The following PAX5 variants were observed in gnomAD, a reference collection of about 807,000 sequenced individuals.
PAX5 encodes paired box 5, also known as paired box protein Pax-5.
In PAX5, 9 loss-of-function variants were observed where a neutral mutation model predicts 43.7. That is an observed-to-expected ratio of 0.21 (90% confidence interval 0.12 to 0.36). The LOEUF (loss-of-function observed/expected upper bound fraction) is 0.36, where lower values mean the gene tolerates loss of function less well. PAX5 is among the 10% of genes least tolerant of loss of function. The pLI, the probability that PAX5 is intolerant of heterozygous loss-of-function variation, is 1.00. For missense variants in PAX5, 383 were observed against 532.7 expected, an observed-to-expected ratio of 0.72 and a Z score of 2.77; for synonymous variants, 228 against 214.3, an observed-to-expected ratio of 1.06 and a Z score of -0.56.
At chr9:37,031,809 C>A (rs934980960) in intron 1 of PAX5, among the ~76,000 whole-genome samples, 5 of 152,188 alleles carry the variant, frequency 3.3e-5, no homozygotes, top group African/African-American at 1.2e-4. Flanking sequence ...GACACACTCC[C>A]TCCCCATTGG....
At chr9:36,900,604 C>A (rs1828292236) in intron 7 of PAX5, among the ~76,000 whole-genome samples, 2 of 152,136 alleles carry the variant, frequency 1.3e-5, no homozygotes, top group African/African-American at 4.8e-5. Context: ...GCGGGAGTGT[C>A]AATCACCACT....
intron 6 of PAX5, among the ~76,000 whole-genome samples, chr9:36,940,696 CA>C (rs1260624841): frequency 6.6e-6 from 1 of 151,880 alleles, no homozygotes; most frequent in Admixed American, 6.6e-5. Context: ...CAGTGCACAG[CA>C]CCAGGGAGAA....
At chr9:36,921,912 C>T (rs1231334102) in intron 7 of PAX5, among the ~76,000 whole-genome samples, 1 of 152,132 alleles carries the variant, frequency 6.6e-6, no homozygotes, top group East Asian at 1.9e-4. Flanking sequence ...CTTGTGACAC[C>T]AGGGGAGGGG....
chr9:36,922,501 T>G (rs1830253333), intron 7 of PAX5, among the ~76,000 whole-genome samples: 1 of 152,200 alleles, frequency 6.6e-6, no homozygotes, highest in South Asian at 2.1e-4. Context: ...CCAGCACAGC[T>G]GGGCCAGGGG....
At chr9:36,879,841 G>A (rs533555773) in intron 8 of PAX5, among the ~76,000 whole-genome samples, 1 of 152,334 alleles carries the variant, frequency 6.6e-6, no homozygotes, top group South Asian at 2.1e-4. Context: ...CTAAAGGTTG[G>A]AAAATGAGGA....
intron 1 of PAX5, among the ~76,000 whole-genome samples, chr9:37,029,519 TC>T (rs1458487050): frequency 6.6e-6 from 1 of 152,192 alleles, no homozygotes; most frequent in Non-Finnish European, 1.5e-5. Flanking sequence ...GTCCGGATCT[TC>T]CCCTTTCACC....
At chr9:36,852,984 A>G (rs1402805052) in intron 8 of PAX5, among the ~76,000 whole-genome samples, 1 of 152,186 alleles carries the variant, frequency 6.6e-6, no homozygotes, top group Admixed American at 6.5e-5. Flanking sequence ...CCCCTGATGT[A>G]TTTGAAACTT....
At chr9:37,033,503 A>G (rs1428749168) in intron 1 of PAX5, among the ~76,000 whole-genome samples, 7 of 152,132 alleles carry the variant, frequency 4.6e-5, no homozygotes. Context: ...GAATTACATA[A>G]ATAACACTCA....
intron 8 of PAX5, among the ~76,000 whole-genome samples, chr9:36,866,339 G>C (rs1245688285): frequency 6.6e-6 from 1 of 152,200 alleles, no homozygotes; most frequent in African/African-American, 2.4e-5. Flanking sequence ...ATTTCTTTGT[G>C]TCTGGCTACC....
chr9:36,923,522 C>T (rs1274756545), intron 6 of PAX5, 38 bp from the exon 7 acceptor site: 1 of 1,584,062 alleles, frequency 6.3e-7, no homozygotes, highest in Non-Finnish European at 8.6e-7. Flanking sequence ...CACCAAGACT[C>T]CACAGTACCT....
chr9:36,996,381 G>A (rs533838782), intron 5 of PAX5, among the ~76,000 whole-genome samples: 87 of 152,352 alleles, frequency 5.7e-4, no homozygotes, highest in Non-Finnish European at 1.0e-3. Context: ...TAAGTAACTC[G>A]CTACAAGAAG....
intron 8 of PAX5, among the ~76,000 whole-genome samples, chr9:36,877,243 G>C (rs1316950265): frequency 6.6e-6 from 1 of 152,204 alleles, no homozygotes; most frequent in African/African-American, 2.4e-5. Context: ...GCTGAGGTGA[G>C]AGGATCACCT....
intron 7 of PAX5, among the ~76,000 whole-genome samples, chr9:36,904,890 C>T (rs978428413): frequency 3.3e-5 from 5 of 152,192 alleles, no homozygotes; most frequent in African/African-American, 9.7e-5. Flanking sequence ...AAGTCCCATA[C>T]TAGGCTGTGC....
chr9:36,906,306 A>G (rs926719657), intron 7 of PAX5, among the ~76,000 whole-genome samples: 2 of 152,186 alleles, frequency 1.3e-5, no homozygotes, highest in African/African-American at 4.8e-5. Context: ...TGTAACCACA[A>G]GAGATTTTAG....
intron 4 of PAX5, among the ~76,000 whole-genome samples, chr9:37,003,927 A>G (rs1187029859): frequency 6.6e-6 from 1 of 152,282 alleles, no homozygotes; most frequent in Non-Finnish European, 1.5e-5. Context: ...GCTTCGCACT[A>G]ATAAACAATG....
At chr9:36,941,482 G>A (rs983029051) in intron 6 of PAX5, among the ~76,000 whole-genome samples, 10 of 152,176 alleles carry the variant, frequency 6.6e-5, no homozygotes, top group Non-Finnish European at 7.3e-5. Flanking sequence ...TATGCCGGGC[G>A]TGAATCTCCT....
chr9:36,954,094 T>A (rs531250762), intron 6 of PAX5, among the ~76,000 whole-genome samples: 152 of 152,230 alleles, frequency 1.0e-3, no homozygotes, highest in Non-Finnish European at 1.6e-3. Context: ...TATATACCTA[T>A]CTAATAATTC....
chr9:36,994,106 C>T lies in PAX5; in HGVS notation c.604+8542G>A, dbSNP rs947630075. On this transcript the variant is annotated intron_variant, in intron 5 of 9. Coordinates refer to ENST00000358127, the MANE Select transcript of PAX5 (RefSeq NM_016734.3). Reference sequence around the variant, plus strand: ...TGAGCCCCCACCCGTGGGACAGGCCCTGGGCACTAGGGAAAGGCCCCAGGA... The same window carrying T: ...TGAGCCCCCACCCGTGGGACAGGCCTTGGGCACTAGGGAAAGGCCCCAGGA... Among the ~76,000 whole-genome samples the T allele has an allele frequency of 1.2e-4, 19 of 152,296 alleles. No homozygotes were observed. The East Asian group carries it at 3.3e-3, about 26-fold the overall frequency.
intron 5 of PAX5, among the ~76,000 whole-genome samples, chr9:36,969,527 G>A (rs558709752): frequency 1.7e-4 from 26 of 152,352 alleles, no homozygotes; most frequent in Non-Finnish European, 1.6e-4. Flanking sequence ...TGTACACACA[G>A]GGGGTGTTAG....
Sources: allele counts gnomAD v4.1 joint callset (sites outside exome capture counted in the v4.1 genomes callset), GRCh38; gene constraint gnomAD v4.1.1; transcripts MANE v1.5; gene names NCBI Gene and HGNC (gene_info 2026-07-23, HGNC 2026-07-21).